Variants in ST18 observed in about 807,000 individuals in gnomAD.
ST18 encodes the protein suppression of tumorigenicity 18 protein.
Under a neutral mutation model 110.0 loss-of-function variants are expected in ST18, and 50 were observed. The ratio of observed to expected loss-of-function variants is 0.45; its 90% CI spans 0.36 to 0.58. The LOEUF (loss-of-function observed/expected upper bound fraction) is 0.58, where lower values mean the gene tolerates loss of function less well. ST18 is among the 20% of genes least tolerant of loss of function. The probability of loss-of-function intolerance (pLI) is 0.00; values close to 1 mark genes in which losing one functional copy is unlikely to be tolerated. For synonymous variants in ST18, 461 were observed against 452.4 expected, an observed-to-expected ratio of 1.02 and a Z score of -0.24; for missense variants, 1,306 against 1,280.1, an observed-to-expected ratio of 1.02 and a Z score of -0.31.
At chr8:52,115,912 T>G (rs2042366696) in intron 25 of ST18, among the ~76,000 whole-genome samples, 1 of 152,198 alleles carries the variant, frequency 6.6e-6, no homozygotes, top group South Asian at 2.1e-4. Flanking sequence ...TTTGGGCGGA[T>G]GATGCAAATA....
intron 18 of ST18, among the ~76,000 whole-genome samples, chr8:52,136,981 C>T (rs1231168334): frequency 6.6e-6 from 1 of 152,172 alleles, no homozygotes; most frequent in Non-Finnish European, 1.5e-5. Flanking sequence ...TGGTGCTTTT[C>T]CAAGAGAAGA....
At chr8:52,140,025 C>T (rs370158580) in intron 17 of ST18, among the ~76,000 whole-genome samples, 3 of 152,074 alleles carry the variant, frequency 2.0e-5, no homozygotes, top group Admixed American at 6.6e-5. Context: ...GCACTGAAAC[C>T]GTAAGGAAAT....
At chr8:52,316,494 A>G (rs1328824855) in intron 2 of ST18, among the ~76,000 whole-genome samples, 1 of 152,236 alleles carries the variant, frequency 6.6e-6, no homozygotes, top group Non-Finnish European at 1.5e-5. Flanking sequence ...GAGTCTTCCC[A>G]TGAACACAAG....
intron 16 of ST18, among the ~76,000 whole-genome samples, chr8:52,147,570 C>T (rs1201731704): frequency 2.0e-5 from 3 of 152,032 alleles, no homozygotes; most frequent in Non-Finnish European, 2.9e-5. Context: ...TGAATACATT[C>T]GCCATAATCA....
At chr8:52,271,910 T>C (rs1044609482) in intron 2 of ST18, among the ~76,000 whole-genome samples, 3 of 152,222 alleles carry the variant, frequency 2.0e-5, no homozygotes, top group Non-Finnish European at 4.4e-5. Flanking sequence ...TATTTCGCCA[T>C]CAAATCGAAG....
intron 8 of ST18, among the ~76,000 whole-genome samples, chr8:52,201,868 A>G (rs888337331): frequency 2.0e-5 from 3 of 152,166 alleles, no homozygotes; most frequent in Middle Eastern, 3.2e-3. Context: ...AAAATGACCA[A>G]ATGAGACCAA....
At chr8:52,355,508 G>A (rs938169638) in intron 2 of ST18, among the ~76,000 whole-genome samples, 19 of 152,162 alleles carry the variant, frequency 1.2e-4, no homozygotes, top group African/African-American at 2.7e-4. Context: ...CATAAAGCTC[G>A]GTTCAAAATG....
chr8:52,240,530 G>C (rs1156973269), intron 2 of ST18, among the ~76,000 whole-genome samples: 1 of 151,828 alleles, frequency 6.6e-6, no homozygotes, highest in African/African-American at 2.4e-5. Context: ...TTCTCCACTG[G>C]GCTCACTTTA....
At chr8:52,279,906 T>C (rs1399957737) in intron 2 of ST18, among the ~76,000 whole-genome samples, 3 of 152,156 alleles carry the variant, frequency 2.0e-5, no homozygotes, top group Non-Finnish European at 4.4e-5. Flanking sequence ...AACGAAAATC[T>C]GACATGCAAA....
chr8:52,336,555 G>A (rs1331216275), intron 2 of ST18, among the ~76,000 whole-genome samples: 1 of 152,184 alleles, frequency 6.6e-6, no homozygotes, highest in Admixed American at 6.5e-5. Flanking sequence ...AAGGAAAGAT[G>A]AGCATAGCTA....
At chr8:52,145,494 T>C (rs1262969807) in intron 16 of ST18, among the ~76,000 whole-genome samples, 1 of 152,320 alleles carries the variant, frequency 6.6e-6, no homozygotes, top group East Asian at 1.9e-4. Context: ...AGAGAGTGTA[T>C]GTATTAAAAT....
In ST18 at chr8:52,166,838, C is replaced by T; in HGVS notation, c.1204+14G>A. 2.6e-6 allele frequency: 4 copies of T among 1,558,102 alleles called. No homozygotes were observed. The highest frequency in any genetic ancestry group is 3.5e-6 in the Non-Finnish European group (4 of 1,143,436). On this transcript the variant is annotated intron_variant, in intron 11 of 25. Transcript: ENST00000689386. ...GTGCATAAGCAGAAGCTTTGAGGGA[C>T]AAGTGGTACTCACTTTCCAGGGGAA... is the stretch of plus-strand genomic sequence containing the variant.
chr8:52,262,210 T>G (rs934778859), intron 2 of ST18, among the ~76,000 whole-genome samples: 2 of 152,204 alleles, frequency 1.3e-5, no homozygotes, highest in African/African-American at 4.8e-5. Context: ...TTAATCCATT[T>G]ATGGGGGTGG....
At chr8:52,360,306 C>T (rs564215580) in intron 2 of ST18, among the ~76,000 whole-genome samples, 9 of 151,794 alleles carry the variant, frequency 5.9e-5, no homozygotes, top group East Asian at 1.9e-4. Flanking sequence ...TTTTTATAAG[C>T]GTATACAGAT....
intron 8 of ST18, among the ~76,000 whole-genome samples, chr8:52,188,070 T>C (rs1420569517): frequency 6.6e-6 from 1 of 152,188 alleles, no homozygotes; most frequent in Non-Finnish European, 1.5e-5. Flanking sequence ...TATTTATCAA[T>C]GTCGTAAGTT....
At chr8:52,366,915 A>G (rs1372960903) in intron 2 of ST18, among the ~76,000 whole-genome samples, 1 of 152,176 alleles carries the variant, frequency 6.6e-6, no homozygotes, top group Non-Finnish European at 1.5e-5. Flanking sequence ...GGTTGAATGA[A>G]CTGATTGATT....
At chr8:52,381,967 T>TAAA (rs33953466) in intron 2 of ST18, among the ~76,000 whole-genome samples, 13,081 of 46,242 alleles carry the variant, frequency 0.28, 890 homozygotes, top group Non-Finnish European at 0.46. Flanking sequence ...TATGCTGCAT[T>TAAA]AAAAAACAAA....
intron 2 of ST18, among the ~76,000 whole-genome samples, chr8:52,355,493 G>A (rs1006126420): frequency 1.3e-5 from 2 of 152,180 alleles, no homozygotes; most frequent in African/African-American, 4.8e-5. Flanking sequence ...TACTAAAAAA[G>A]GAGACATAAA....
At chr8:52,170,452 CAATAAATAAATAAATAAATA>C (rs562661652) in intron 10 of ST18, among the ~76,000 whole-genome samples, 2 of 128,062 alleles carry the variant, frequency 1.6e-5, no homozygotes, top group Non-Finnish European at 3.1e-5. Flanking sequence ...ACTCAAAAAT[CAATAAATAAATAAATAAATA>C]AATAAATAAA....
Sources: gnomAD v4.1 joint callset for allele counts (sites outside exome capture counted in the v4.1 genomes callset) on GRCh38, gnomAD v4.1.1 for gene constraint, MANE v1.5 for transcripts, NCBI Gene and HGNC (gene_info 2026-07-23, HGNC 2026-07-21) for gene names.